The following KCNH7 variants were observed in gnomAD, a reference collection of about 807,000 sequenced individuals.
KCNH7 encodes the protein potassium voltage-gated channel subfamily H member 7, also known as voltage-gated inwardly rectifying potassium channel KCNH7.
Under a neutral mutation model 120.8 loss-of-function variants are expected in KCNH7, and 49 were observed. The observed-to-expected ratio is 0.41, with a 90% CI of 0.32 to 0.51. The LOEUF (loss-of-function observed/expected upper bound fraction) is 0.51. Ranked by LOEUF, KCNH7 falls within the 20% of genes least tolerant of loss-of-function variation. The pLI, the probability that KCNH7 is intolerant of heterozygous loss-of-function variation, is 0.38. For missense variants in KCNH7, 1,097 were observed against 1,446.6 expected, an observed-to-expected ratio of 0.76 and a Z score of 3.92; for synonymous variants, 547 against 516.1, an observed-to-expected ratio of 1.06 and a Z score of -0.81.
At chr2:162,785,950 C>A (rs1233576913) in intron 2 of KCNH7, among the ~76,000 whole-genome samples, 1 of 151,968 alleles carries the variant, frequency 6.6e-6, no homozygotes, top group Non-Finnish European at 1.5e-5. Context: ...TGAGTTAAAA[C>A]TAGTAGTATG....
chr2:162,652,504 C>T (rs1684602159), intron 2 of KCNH7, among the ~76,000 whole-genome samples: 1 of 152,114 alleles, frequency 6.6e-6, no homozygotes, highest in South Asian at 2.1e-4. Flanking sequence ...GATCATTGGG[C>T]ATTAGTTAGA....
intron 2 of KCNH7, among the ~76,000 whole-genome samples, chr2:162,663,214 A>G (rs2105281950): frequency 6.6e-6 from 1 of 152,352 alleles, no homozygotes; most frequent in South Asian, 2.1e-4. Flanking sequence ...CCTGGCACAG[A>G]GTAGGCACAT....
At chr2:162,453,206 A>G (rs1244214632) in intron 6 of KCNH7, among the ~76,000 whole-genome samples, 2 of 152,158 alleles carry the variant, frequency 1.3e-5, no homozygotes, top group African/African-American at 4.8e-5. Flanking sequence ...AAGTGAGAAC[A>G]TGCAGTGTTT....
intron 2 of KCNH7, among the ~76,000 whole-genome samples, chr2:162,575,297 G>T (rs1468374534): frequency 1.3e-5 from 2 of 152,030 alleles, no homozygotes; most frequent in African/African-American, 4.8e-5. Context: ...CTCAATCATG[G>T]TTCTCTTCCC....
intron 2 of KCNH7, among the ~76,000 whole-genome samples, chr2:162,568,675 G>A (rs956960166): frequency 2.0e-5 from 3 of 151,894 alleles, no homozygotes; most frequent in African/African-American, 7.2e-5. Context: ...AGCTGTTGGA[G>A]TAGAAACAAA....
chr2:162,459,114 G>A (rs959430956), intron 6 of KCNH7, among the ~76,000 whole-genome samples: 3 of 151,020 alleles, frequency 2.0e-5, no homozygotes, highest in Non-Finnish European at 3.0e-5. Flanking sequence ...CAGAAGCAAC[G>A]GCTGAAGATC....
intron 9 of KCNH7, among the ~76,000 whole-genome samples, chr2:162,410,411 A>G (rs930838478): frequency 2.0e-5 from 3 of 151,944 alleles, no homozygotes; most frequent in African/African-American, 7.2e-5. Context: ...ATGTTTTTCC[A>G]TCAACAAAAA....
chr2:162,518,194 G>T (rs1266497256), intron 3 of KCNH7, 36 bp from the exon 4 acceptor site: 1 of 1,459,512 alleles, frequency 6.9e-7, no homozygotes, highest in South Asian at 1.2e-5. Context: ...TTATTATAAG[G>T]CAAATGATAT....
intron 2 of KCNH7, among the ~76,000 whole-genome samples, chr2:162,745,911 CT>C (rs1161140446): frequency 4.0e-5 from 6 of 150,434 alleles, no homozygotes; most frequent in Admixed American, 1.3e-4. Flanking sequence ...GTGTTGCATG[CT>C]TTTTTTTTCT....
intron 2 of KCNH7, among the ~76,000 whole-genome samples, chr2:162,663,011 T>G (rs983931160): frequency 2.6e-5 from 4 of 152,156 alleles, no homozygotes; most frequent in African/African-American, 7.2e-5. Flanking sequence ...TAGGTGAGAA[T>G]AGGGATATAA....
At chr2:162,635,934 G>T (rs923481324) in intron 2 of KCNH7, among the ~76,000 whole-genome samples, 1 of 151,988 alleles carries the variant, frequency 6.6e-6, no homozygotes, top group African/African-American at 2.4e-5. Flanking sequence ...CCTCCTTAGT[G>T]GGCTCTCTCT....
chr2:162,463,809 A>C (rs564609586), intron 6 of KCNH7, among the ~76,000 whole-genome samples: 98 of 151,384 alleles, frequency 6.5e-4, no homozygotes, highest in Non-Finnish European at 1.2e-3. Context: ...TATAACAAAA[A>C]AGTAAAAAAA....
intron 2 of KCNH7, among the ~76,000 whole-genome samples, chr2:162,681,191 G>A (rs563297837): frequency 1.1e-4 from 16 of 151,722 alleles, no homozygotes; most frequent in South Asian, 4.2e-4. Flanking sequence ...TAAAATATTC[G>A]TATTCCAGTA....
At chr2:162,488,299 G>C (rs922843133) in intron 6 of KCNH7, among the ~76,000 whole-genome samples, 6 of 152,062 alleles carry the variant, frequency 3.9e-5, no homozygotes, top group African/African-American at 1.4e-4. Flanking sequence ...CTTTCAACCT[G>C]ATTTTTTGTC....
At chr2:162,570,670 G>A (rs949647224) in intron 2 of KCNH7, among the ~76,000 whole-genome samples, 13 of 152,074 alleles carry the variant, frequency 8.5e-5, no homozygotes, top group East Asian at 5.8e-4. Flanking sequence ...GGCTGGTATC[G>A]GTTGTTCCTT....
At chr2:162,752,660 A>T (rs1045246015) in intron 2 of KCNH7, among the ~76,000 whole-genome samples, 5 of 151,922 alleles carry the variant, frequency 3.3e-5, no homozygotes, top group African/African-American at 9.7e-5. Context: ...GCACTTTGGG[A>T]GGCCAAGGCA....
intron 2 of KCNH7, among the ~76,000 whole-genome samples, chr2:162,691,885 C>A (rs1286313793): frequency 6.6e-6 from 1 of 152,084 alleles, no homozygotes; most frequent in African/African-American, 2.4e-5. Context: ...ACAATTCTGA[C>A]CTTTGAGAAA....
intron 7 of KCNH7, among the ~76,000 whole-genome samples, chr2:162,444,481 T>C (rs1458042168): frequency 1.3e-5 from 2 of 152,114 alleles, no homozygotes; most frequent in East Asian, 1.9e-4. Flanking sequence ...TGGTTACTTC[T>C]AGTTCTAAGA....
chr2:162,428,350 C>G (rs1371409835), intron 8 of KCNH7, among the ~76,000 whole-genome samples: 1 of 151,736 alleles, frequency 6.6e-6, no homozygotes, highest in Non-Finnish European at 1.5e-5. Context: ...CTCCTTCTCC[C>G]CTTCTTTCTT....
Sources: gnomAD v4.1 joint callset for allele counts (sites outside exome capture counted in the v4.1 genomes callset) on GRCh38, gnomAD v4.1.1 for gene constraint, MANE v1.5 for transcripts, NCBI Gene and HGNC (gene_info 2026-07-23, HGNC 2026-07-21) for gene names.